The following CPM variants were observed in gnomAD, a reference collection of about 807,000 sequenced individuals.
CPM encodes the protein carboxypeptidase M.
A neutral mutation model predicts 46.4 loss-of-function variants in CPM; 35 were observed. The observed-to-expected ratio is 0.75, with a 90% CI of 0.58 to 1.00. CPM has a LOEUF of 1.00. Ranked by LOEUF, CPM falls within the 50% of genes least tolerant of loss-of-function variation. The pLI is 0.00. For synonymous variants in CPM, 195 were observed against 195.3 expected (o/e 1.00, Z 0.01); for missense variants, 422 against 530.4 (o/e 0.80, Z 2.01).
chr12:68,884,621 A>G (rs1340581351), intron 3 of CPM, among the ~76,000 whole-genome samples: 1 of 152,248 alleles, frequency 6.6e-6, no homozygotes. Context: ...TGTAAATGAG[A>G]AAGTCCCTAA....
At chr12:68,961,750 C>T (rs976198865) in intron 1 of CPM, among the ~76,000 whole-genome samples, 2 of 72,152 alleles carry the variant, frequency 2.8e-5, no homozygotes, top group Non-Finnish European at 6.4e-5. Context: ...CCCATCTCTA[C>T]TAAATAAACA....
intron 1 of CPM, among the ~76,000 whole-genome samples, chr12:68,940,114 CTTCT>C (rs1026864815): frequency 1.1e-4 from 16 of 143,842 alleles, no homozygotes; most frequent in African/African-American, 3.8e-4. Context: ...TTTCATTTTT[CTTCT>C]TTCATCTCAT....
rs373306498 is a variant in CPM at position 68,873,344 on chromosome 12, T to C, written c.259-1388A>G. Among the ~76,000 whole-genome samples, 7 of 152,322 alleles carry C rather than the reference T, an allele frequency of 4.6e-5. No individual in the cohort carries two copies. In the South Asian group the frequency reaches 1.4e-3, roughly 32 times the overall value. Reference sequence around the variant, plus strand: ...CATAAAGAGACCACATTTTAAACATTTGTTATCCTAATGAACACAGAATAA... The same window carrying C: ...CATAAAGAGACCACATTTTAAACATCTGTTATCCTAATGAACACAGAATAA... On this transcript the variant is annotated intron_variant, in intron 3 of 8. Coordinates refer to ENST00000551568, the MANE Select transcript of CPM (RefSeq NM_198320.5).
At chr12:68,913,934 G>A in intron 2 of CPM, 2 of 719,106 alleles carry the variant, frequency 2.8e-6, no homozygotes, top group South Asian at 2.7e-5. Flanking sequence ...CACATGACCT[G>A]TGCTACAGAT....
intron 2 of CPM, among the ~76,000 whole-genome samples, chr12:68,893,807 T>C (rs760433676): frequency 3.3e-5 from 5 of 152,216 alleles, no homozygotes; most frequent in Non-Finnish European, 7.3e-5. Flanking sequence ...GCTGTGTTAG[T>C]ATAACCCTGG....
At chr12:68,857,249 C>T (rs1885019465) in intron 8 of CPM, among the ~76,000 whole-genome samples, 1 of 151,834 alleles carries the variant, frequency 6.6e-6, no homozygotes, top group African/African-American at 2.4e-5. Flanking sequence ...CAACCTCCGC[C>T]TCCCGGGTTC....
chr12:68,896,909 AT>A (rs1666549350), intron 2 of CPM, among the ~76,000 whole-genome samples: 1 of 151,086 alleles, frequency 6.6e-6, no homozygotes, highest in African/African-American at 2.5e-5. Context: ...TACGTTTTTA[AT>A]TGAAAAAAAA....
chr12:68,943,297 G>T (rs1239183458), intron 1 of CPM, among the ~76,000 whole-genome samples: 1 of 152,096 alleles, frequency 6.6e-6, no homozygotes, highest in African/African-American at 2.4e-5. Flanking sequence ...TTACAGGGTT[G>T]CATATATTAA....
chr12:68,915,424 G>A (rs1270325750), intron 2 of CPM, among the ~76,000 whole-genome samples: 1 of 152,266 alleles, frequency 6.6e-6, no homozygotes, highest in African/African-American at 2.4e-5. Flanking sequence ...GACTGCTCCT[G>A]CCACCCAAGC....
upstream of CPM, among the ~76,000 whole-genome samples, chr12:68,936,165 GA>G (rs1393500404): frequency 6.6e-6 from 1 of 152,070 alleles, no homozygotes; most frequent in African/African-American, 2.4e-5. Flanking sequence ...GAGCTTGTTG[GA>G]AATGTAGAAT....
intron 3 of CPM, among the ~76,000 whole-genome samples, chr12:68,881,845 C>A (rs1886203216): frequency 6.6e-6 from 1 of 151,478 alleles, no homozygotes. Flanking sequence ...CTTAGCCTAC[C>A]AAGTAGCTGG....
intron 2 of CPM, among the ~76,000 whole-genome samples, chr12:68,916,034 G>C (rs1286522399): frequency 6.6e-6 from 1 of 152,162 alleles, no homozygotes; most frequent in African/African-American, 2.4e-5. Context: ...TGCTCCTCTT[G>C]AATGGCTTGT....
At chr12:68,904,623 T>A (rs1018641019) in intron 2 of CPM, among the ~76,000 whole-genome samples, 2 of 152,110 alleles carry the variant, frequency 1.3e-5, no homozygotes. Flanking sequence ...CCAACTACCA[T>A]TCAGAATTAG....
At chr12:68,861,241 G>A (rs1885198758) in intron 7 of CPM, among the ~76,000 whole-genome samples, 1 of 152,032 alleles carries the variant, frequency 6.6e-6, no homozygotes, top group East Asian at 1.9e-4. Context: ...GGCGGGGGGA[G>A]AATATATTAG....
At chr12:68,867,718 A>T (rs1328068769) in intron 6 of CPM, among the ~76,000 whole-genome samples, 1 of 152,198 alleles carries the variant, frequency 6.6e-6, no homozygotes, top group African/African-American at 2.4e-5. Flanking sequence ...CCTGGGGATC[A>T]AAGAAAGAGT....
Position 68,854,040 on chromosome 12 carries a change from G to A in CPM, c.*2397C>T, listed in dbSNP as rs143879424. On this transcript the variant is annotated 3_prime_UTR_variant, in exon 9 of 9. Transcript: ENST00000551568. ...GTAAAATTTTTTTCTGATAAAAAAA[G>A]GTACTTTGTAGTGCTGTTAGGAGGT... 1 of 152,254 alleles carries A rather than the reference G, an allele frequency of 6.6e-6. No homozygotes were observed. The highest frequency in any genetic ancestry group is 2.4e-5 in the African/African-American group (1 of 41,538). The allele number at this position is 152,254 out of a possible 1,614,324, so 9.4% of individuals were successfully genotyped here. A position where few individuals can be genotyped will look rare whatever the true frequency, so the allele number is the denominator to read the frequency against.
chr12:68,913,758 T>C (rs933365649), intron 2 of CPM: 2 of 488,224 alleles, frequency 4.1e-6, no homozygotes, highest in Non-Finnish European at 7.9e-6. Context: ...GTGGAACCTT[T>C]ATTCCTATAA....
At chr12:68,912,404 C>T (rs1478144879) in intron 2 of CPM, among the ~76,000 whole-genome samples, 1 of 152,140 alleles carries the variant, frequency 6.6e-6, no homozygotes, top group Admixed American at 6.6e-5. Context: ...ATACCTGATA[C>T]CACCATCTTT....
chr12:68,899,320 C>G (rs773722318), intron 2 of CPM, among the ~76,000 whole-genome samples: 2 of 152,248 alleles, frequency 1.3e-5, no homozygotes, highest in Non-Finnish European at 2.9e-5. Flanking sequence ...CAGGCCCTAA[C>G]AGCAGAGGAC....
Sources: gnomAD v4.1 joint callset for allele counts (sites outside exome capture counted in the v4.1 genomes callset) on GRCh38, gnomAD v4.1.1 for gene constraint, MANE v1.5 for transcripts, NCBI Gene and HGNC (gene_info 2026-07-23, HGNC 2026-07-21) for gene names.